The following NOX4 variants were observed in gnomAD, a reference collection of about 807,000 sequenced individuals.
NOX4 encodes the protein kidney oxidase-1.
In NOX4, 69 loss-of-function variants were observed where a neutral mutation model predicts 87.6. The observed-to-expected ratio is 0.79, with a 90% confidence interval of 0.65 to 0.96. NOX4 has a LOEUF of 0.96. Among genes scored for constraint, NOX4 ranks in the 40% least tolerant of loss-of-function variants. The probability of loss-of-function intolerance (pLI) is 0.00; values close to 1 mark genes in which losing one functional copy is unlikely to be tolerated. For synonymous variants in NOX4, 275 were observed against 238.2 expected (o/e 1.15, Z -1.42); for missense variants, 680 against 681.5 (o/e 1.00, Z 0.02).
intron 8 of NOX4, among the ~76,000 whole-genome samples, chr11:89,415,252 G>A (rs1942698280): frequency 6.6e-6 from 1 of 151,952 alleles, no homozygotes; most frequent in East Asian, 1.9e-4. Flanking sequence ...ATTATGAACA[G>A]TATAATTATT....
At chr11:89,570,064 T>C in the NOX4 span, among the ~76,000 whole-genome samples, 3 of 151,452 alleles carry the variant, frequency 2.0e-5, no homozygotes, top group East Asian at 5.8e-4. Flanking sequence ...TTAATGCATA[T>C]GTTTATTAAA....
chr11:89,503,362 C>A, the NOX4 span, among the ~76,000 whole-genome samples: 4 of 151,864 alleles, frequency 2.6e-5, no homozygotes, highest in Admixed American at 6.6e-5. Context: ...TTAATAAGGT[C>A]TCTAGCAGAA....
At chr11:89,335,317 ATTCT>A (rs2135372534) in intron 17 of NOX4, among the ~76,000 whole-genome samples, 1 of 151,864 alleles carries the variant, frequency 6.6e-6, no homozygotes, top group Admixed American at 6.6e-5. Context: ...TAAGAACAAG[ATTCT>A]TTATAAAATT....
intron 3 of NOX4, 57 bp downstream of exon 3, chr11:89,451,728 C>A (rs11827793): frequency 2.4e-4 from 277 of 1,165,890 alleles, no homozygotes; most frequent in Non-Finnish European, 3.4e-4. Context: ...AACTAACATG[C>A]GACTGTTACA....
chr11:89,552,781 A>C, the NOX4 span, among the ~76,000 whole-genome samples: 1 of 152,122 alleles, frequency 6.6e-6, no homozygotes, highest in Non-Finnish European at 1.5e-5. Flanking sequence ...ACACAGTAAG[A>C]ATTTTGCTGA....
intron 2 of NOX4, among the ~76,000 whole-genome samples, chr11:89,453,443 A>C (rs1026943329): frequency 6.6e-6 from 1 of 152,254 alleles, no homozygotes; most frequent in East Asian, 1.9e-4. Flanking sequence ...GGAGGAGGAT[A>C]TATCCATTCT....
At chr11:89,425,409 C>CAAAAAAAAAAAA (rs766357906) in intron 7 of NOX4, among the ~76,000 whole-genome samples, 1 of 70,694 alleles carries the variant, frequency 1.4e-5, no homozygotes. Flanking sequence ...ATTGAAATAC[C>CAAAAAAAAAAAA]AAAAAAAAAA....
chr11:89,405,363 T>C (rs1942110275), intron 8 of NOX4, among the ~76,000 whole-genome samples: 1 of 152,050 alleles, frequency 6.6e-6, no homozygotes, highest in Non-Finnish European at 1.5e-5. Flanking sequence ...TTGTATTATG[T>C]TCAGCTACAC....
At chr11:89,395,108 C>T (rs1385838220) in intron 11 of NOX4, among the ~76,000 whole-genome samples, 1 of 152,164 alleles carries the variant, frequency 6.6e-6, no homozygotes, top group African/African-American at 2.4e-5. Context: ...AACTAGTTTA[C>T]ACTTCCAGCA....
chr11:89,377,166 A>T (rs1939907590), intron 11 of NOX4, among the ~76,000 whole-genome samples: 1 of 152,258 alleles, frequency 6.6e-6, no homozygotes, highest in South Asian at 2.1e-4. Context: ...TAACTTGGGA[A>T]GTATAATTGA....
intron 12 of NOX4, among the ~76,000 whole-genome samples, chr11:89,373,056 T>A (rs1270402169): frequency 1.3e-5 from 2 of 151,662 alleles, no homozygotes; most frequent in African/African-American, 4.8e-5. Context: ...ACTGGAAGAT[T>A]TGTGTGATCT....
At chr11:89,338,239 G>A (rs1945811421) in intron 15 of NOX4, among the ~76,000 whole-genome samples, 1 of 152,050 alleles carries the variant, frequency 6.6e-6, no homozygotes. Flanking sequence ...ATAAGTGACA[G>A]CATAATATAT....
intron 5 of NOX4, chr11:89,443,298 C>A (rs1003105182): frequency 6.6e-6 from 1 of 151,700 alleles, no homozygotes. Flanking sequence ...CAGTATTAAA[C>A]CTAGAAAACT....
the NOX4 span, among the ~76,000 whole-genome samples, chr11:89,577,828 T>C: frequency 1.3e-5 from 2 of 152,070 alleles, no homozygotes; most frequent in East Asian, 1.9e-4. Context: ...ATTAATAAAG[T>C]ATATAAAAAC....
At chr11:89,336,088 A>T (rs1945701997) in intron 16 of NOX4, 143 bp from the exon 17 acceptor site, 1 of 436,662 alleles carries the variant, frequency 2.3e-6, no homozygotes, top group East Asian at 3.6e-5. Context: ...TATCACGTAC[A>T]ATTATTTCAA....
Position 89,325,608 on chromosome 11 carries a change from T to C in NOX4, c.*1148A>G, listed in dbSNP as rs1371021898. ...TTCTAAACTTAAGTTTGAATAAGAA[T>C]ATCATATTTCCTCTTACTTAAAAGG... On this transcript the variant is annotated 3_prime_UTR_variant, in exon 18 of 18. Transcript: ENST00000263317. 1 of 152,154 alleles carries C rather than the reference T, an allele frequency of 6.6e-6. No homozygotes were observed. The highest frequency in any genetic ancestry group is 2.4e-5 in the African/African-American group (1 of 41,440). The allele number at this position is 152,154 out of a possible 1,614,324, so 9.4% of individuals were successfully genotyped here. A position where few individuals can be genotyped will look rare whatever the true frequency, so the allele number is the denominator to read the frequency against.
At chr11:89,494,745 T>C (rs1382578852), upstream of NOX4, among the ~76,000 whole-genome samples, 1 of 152,212 alleles carries the variant, frequency 6.6e-6, no homozygotes, top group African/African-American at 2.4e-5. Flanking sequence ...TTAAAATGGA[T>C]GTTACCAACC....
At chr11:89,438,801 A>C (rs1226805984) in intron 6 of NOX4, among the ~76,000 whole-genome samples, 79 of 4,168 alleles carry the variant, frequency 0.019, no homozygotes, top group East Asian at 0.071. Context: ...TGTATAATAT[A>C]TTATATATTA....
chr11:89,429,520 CA>C (rs1407678846), intron 7 of NOX4, among the ~76,000 whole-genome samples: 1 of 151,968 alleles, frequency 6.6e-6, no homozygotes, highest in Admixed American at 6.6e-5. Context: ...AAAAATGATA[CA>C]GGGGATATCA....
Sources: allele counts gnomAD v4.1 joint callset (sites outside exome capture counted in the v4.1 genomes callset), GRCh38; gene constraint gnomAD v4.1.1; transcripts MANE v1.5; gene names NCBI Gene and HGNC (gene_info 2026-07-23, HGNC 2026-07-21).